Variants in KIF14 observed in about 807,000 individuals in gnomAD.
KIF14 encodes the protein kinesin-like protein KIF14.
A neutral mutation model predicts 176.2 loss-of-function variants in KIF14; 98 were observed. The observed-to-expected ratio is 0.56, with a 90% confidence interval of 0.47 to 0.66. The LOEUF (loss-of-function observed/expected upper bound fraction) is 0.66, where lower values mean the gene tolerates loss of function less well. KIF14 is among the 30% of genes least tolerant of loss of function. The pLI, the probability that KIF14 is intolerant of heterozygous loss-of-function variation, is 0.00. For missense variants in KIF14, 1,751 were observed against 1,920.4 expected, an observed-to-expected ratio of 0.91 and a Z score of 1.65; for synonymous variants, 566 against 632.2, an observed-to-expected ratio of 0.90 and a Z score of 1.57.
chr1:200,613,185 G>A (rs1024850417), intron 4 of KIF14, among the ~76,000 whole-genome samples: 2 of 152,058 alleles, frequency 1.3e-5, no homozygotes, highest in Non-Finnish European at 1.5e-5. Context: ...ACCGCACCCA[G>A]CCTCTAGTTT....
chr1:200,555,780 T>A (rs1368447285), intron 27 of KIF14, among the ~76,000 whole-genome samples: 1 of 152,182 alleles, frequency 6.6e-6, no homozygotes, highest in East Asian at 1.9e-4. Flanking sequence ...ATTGATCATA[T>A]ACTTAGTCTG....
intron 4 of KIF14, among the ~76,000 whole-genome samples, chr1:200,609,301 TA>T (rs1182577288): frequency 6.6e-6 from 1 of 152,120 alleles, no homozygotes; most frequent in Non-Finnish European, 1.5e-5. Context: ...CTAGTGGATG[TA>T]AAATGGTGCG....
chr1:200,618,772 CT>C lies in KIF14; in HGVS notation c.-50del, dbSNP rs1332691488. On this transcript the variant is annotated 5_prime_UTR_variant, in exon 2 of 30. An upstream open reading frame in the 5' UTR loses its in-frame stop. Transcript: ENST00000367350. Reference sequence around the variant, plus strand: ...AAGAATGTTACTAAGACCCTAAGCTCTTCTTTGGACATTCATTTGATTTCCA... The same window carrying C: ...AAGAATGTTACTAAGACCCTAAGCTCTCTTTGGACATTCATTTGATTTCCA... 1 of 1,390,024 alleles carries C rather than the reference CT, an allele frequency of 7.2e-7. No homozygotes were observed. The highest frequency in any genetic ancestry group is 2.3e-5 in the East Asian group (1 of 43,372). The allele number at this position is 1,390,024 out of a possible 1,614,324, so 86.1% of individuals were successfully genotyped here. A position where few individuals can be genotyped will look rare whatever the true frequency, so the allele number is the denominator to read the frequency against.
Position 200,617,957 on chromosome 1 carries a change from T to C in KIF14, c.767A>G (p.His256Arg), listed in dbSNP as rs755177837. 1.2e-6 allele frequency: 2 copies of C among 1,613,916 alleles called. No homozygotes were observed. Among genetic ancestry groups the C allele is most frequent in the Admixed American group, 1.7e-5 (1 of 59,954 alleles). The change falls in exon 2 of 30, where the codon CAT (histidine) becomes CGT (arginine). Residue 256 changes from histidine (H) to arginine (R), a missense_variant. Transcript: ENST00000367350. ...IKVLGTGNLY[H>R]RSIGKEIAKT... is the part of the protein sequence containing the mutation. ...TGCAATTTCCTTCCCAATACTTCTA[T>C]GATACAAGTTTCCTGTTCCCAACAC... is the stretch of plus-strand genomic sequence containing the variant.
At position 200,593,786 on chromosome 1, in the gene KIF14, C is replaced by T. The variant is rs772538504; in HGVS notation, c.2550-17G>A. On this transcript the variant is annotated splice_polypyrimidine_tract_variant and intron_variant, in intron 14 of 29. Transcript: ENST00000367350. Reference sequence around the variant, plus strand: ...TTGATAGTACTGTTAAAATAAGAAGCACATAGTTAACAATTATAGAACACA... The same window carrying T: ...TTGATAGTACTGTTAAAATAAGAAGTACATAGTTAACAATTATAGAACACA... 15 of 1,431,094 alleles carry T rather than the reference C, an allele frequency of 1.0e-5. No homozygotes were observed. Among genetic ancestry groups the T allele is most frequent in the Middle Eastern group, 1.8e-4 (1 of 5,664 alleles). The allele number at this position is 1,431,094 out of a possible 1,614,324, so 88.6% of individuals were successfully genotyped here.
intron 23 of KIF14, 26 bp from the exon 24 acceptor site, chr1:200,565,695 T>G (rs1467627536): frequency 1.8e-5 from 26 of 1,454,252 alleles, no homozygotes; most frequent in African/African-American, 2.9e-5. Context: ...ATAGCCATTT[T>G]AAGCTTGTTT....
intron 5 of KIF14, among the ~76,000 whole-genome samples, chr1:200,607,656 T>A (rs558174618): frequency 6.6e-6 from 1 of 152,322 alleles, no homozygotes; most frequent in South Asian, 2.1e-4. Context: ...TTTCTTGATG[T>A]TGCCAATAGT....
At chr1:200,609,279 C>T (rs954386202) in intron 4 of KIF14, among the ~76,000 whole-genome samples, 4 of 152,164 alleles carry the variant, frequency 2.6e-5, no homozygotes, top group South Asian at 2.1e-4. Context: ...AAACTGGAAC[C>T]CTCCTCCATT....
rs774695835 is a variant in KIF14, at chr1:200,602,087, T to G, written c.1980-19A>C. On this transcript the variant is annotated intron_variant, in intron 10 of 29. Transcript: ENST00000367350. ...TAACAGCCTACAAGAAAAAAAGTCA[T>G]AAGACTTTGCTTCTACAACAACTTA... 1 of 1,604,862 alleles carries G rather than the reference T, an allele frequency of 6.2e-7. No homozygotes were observed. The highest frequency in any genetic ancestry group is 1.3e-5 in the African/African-American group (1 of 74,448).
chr1:200,555,448 T>C lies in KIF14; in HGVS notation c.4360A>G (p.Lys1454Glu). ...CCCATGGCATTAGTTTTCATTTCTT[T>C]GGTAACCTATAGAGAATGTTAAAAT... The part of the protein sequence containing the change: ...FRQCTKNEVT[K>E]EMKTNAMGLI... The change falls in exon 28 of 30, where the codon AAA becomes GAA. Residue 1454 changes from lysine (K) to glutamate (E), a missense_variant. Physicochemically the swap from Lys to Glu is moderately conservative, Grantham distance 56. Coordinates refer to ENST00000367350, the MANE Select transcript of KIF14 (RefSeq NM_014875.3). The C allele has an allele frequency of 6.5e-7, 1 of 1,540,572 alleles. No individual in the cohort carries two copies.
At chr1:200,567,677 C>A (rs1275765179) in intron 23 of KIF14, among the ~76,000 whole-genome samples, 1 of 151,904 alleles carries the variant, frequency 6.6e-6, no homozygotes, top group Non-Finnish European at 1.5e-5. Flanking sequence ...TAACTTTATC[C>A]TGGAGTCCTA....
In KIF14 at chr1:200,590,275, A is replaced by G. The variant is rs1424084687; in HGVS notation, c.2814-3T>C. On this transcript the variant is annotated splice_region_variant and splice_polypyrimidine_tract_variant and intron_variant, in intron 16 of 29. Transcript: ENST00000367350. Reference sequence around the variant, plus strand: ...CCTCTTTTATTTCTGCTTCAAGTCTACAATGTAGCAAGATGTTTATAGGGT... The same window carrying G: ...CCTCTTTTATTTCTGCTTCAAGTCTGCAATGTAGCAAGATGTTTATAGGGT... The G allele has an allele frequency of 8.1e-6, 13 of 1,610,490 alleles. No homozygotes were observed. The Admixed American group carries it at 1.4e-4, about 17-fold the overall frequency.
intron 19 of KIF14, among the ~76,000 whole-genome samples, chr1:200,585,335 C>T (rs1658678246): frequency 6.6e-6 from 1 of 150,710 alleles, no homozygotes; most frequent in South Asian, 2.1e-4. Context: ...TCATGTTGTA[C>T]ATCTTAAATA....
chr1:200,560,880 C>G lies in KIF14; in HGVS notation c.4072G>C (p.Gly1358Arg), dbSNP rs924413212. ...LGGYLQLFLQ[G>R]CCLDISSMIK... Reference sequence around the variant, plus strand: ...ATTGATGAAATATCCAAACAGCATCCCTGTAAGATAAAAATGGACAAGTGT... The same window carrying G: ...ATTGATGAAATATCCAAACAGCATCGCTGTAAGATAAAAATGGACAAGTGT... The change falls in exon 26 of 30, where the codon GGA becomes CGA. Residue 1358 changes from glycine to arginine, a missense_variant and splice_region_variant. Transcript: ENST00000367350. 6.2e-7 allele frequency: 1 copy of G among 1,612,508 alleles called. No individual in the cohort carries two copies. Among genetic ancestry groups the G allele is most frequent in the Non-Finnish European group, 8.5e-7 (1 of 1,178,738 alleles).
chr1:200,567,166 TG>T (rs1657504008), intron 23 of KIF14, among the ~76,000 whole-genome samples: 1 of 143,192 alleles, frequency 7.0e-6, no homozygotes, highest in African/African-American at 2.6e-5. Flanking sequence ...AGCGAAACTC[TG>T]TCCTCAAAAA....
chr1:200,580,199 C>A, intron 21 of KIF14, 55 bp downstream of exon 21: 1 of 968,524 alleles, frequency 1.0e-6, no homozygotes, highest in East Asian at 3.3e-5. Context: ...GGTACTTGAA[C>A]TTTTATACTT....
At chr1:200,556,300 T>C (rs535236044) in intron 27 of KIF14, among the ~76,000 whole-genome samples, 3 of 152,346 alleles carry the variant, frequency 2.0e-5, no homozygotes, top group African/African-American at 7.2e-5. Flanking sequence ...ATTTGCTCTA[T>C]GTGGTTTAAA....
intron 8 of KIF14, 41 bp downstream of exon 8, chr1:200,605,242 G>T: frequency 6.5e-7 from 1 of 1,529,894 alleles, no homozygotes; most frequent in Non-Finnish European, 9.0e-7. Context: ...TTATCACCAG[G>T]GTGAAAACTG....
chr1:200,618,594 T>C lies in KIF14; in HGVS notation c.130A>G (p.Met44Val), dbSNP rs1200208577. The change falls in exon 2 of 30, where the codon ATG becomes GTG. Residue 44 changes from methionine to valine, a missense_variant. Met to Val is a conservative substitution (Grantham distance 21). Transcript: ENST00000367350. Reference protein sequence around the residue: ...SRLKLHLKSDMSECENDDPLL... With the variant: ...SRLKLHLKSDVSECENDDPLL... ...GGATCATCATTTTCACATTCTGACA[T>C]ATCCGACTTCAAATGCAGCTTAAGT... 1.2e-6 allele frequency: 2 copies of C among 1,614,174 alleles called. No individual in the cohort carries two copies. Among genetic ancestry groups the C allele is most frequent in the Non-Finnish European group, 1.7e-6 (2 of 1,180,028 alleles).
Sources: gnomAD v4.1 joint callset for allele counts (sites outside exome capture counted in the v4.1 genomes callset) on GRCh38, gnomAD v4.1.1 for gene constraint, MANE v1.5 for transcripts, NCBI Gene and HGNC (gene_info 2026-07-23, HGNC 2026-07-21) for gene names.